The following OSBPL8 variants were observed in gnomAD, a reference collection of about 807,000 sequenced individuals.
OSBPL8 encodes oxysterol binding protein like 8, also known as oxysterol-binding protein-related protein 8.
In OSBPL8, 59 loss-of-function variants were observed where a neutral mutation model predicts 125.5. The observed-to-expected ratio is 0.47, with a 90% CI of 0.38 to 0.58. The LOEUF is 0.58. Ranked by LOEUF, OSBPL8 falls within the 20% of genes least tolerant of loss-of-function variation. The pLI, the probability that OSBPL8 is intolerant of heterozygous loss-of-function variation, is 0.00. For synonymous variants in OSBPL8, 330 were observed against 338.9 expected, an observed-to-expected ratio of 0.97 and a Z score of 0.29; for missense variants, 758 against 1,047.8, an observed-to-expected ratio of 0.72 and a Z score of 3.82.
chr12:76,495,053 C>A (rs1879135693), intron 1 of OSBPL8, among the ~76,000 whole-genome samples: 1 of 152,192 alleles, frequency 6.6e-6, no homozygotes, highest in African/African-American at 2.4e-5. Context: ...GTGTTACCTG[C>A]CTCAACAGAG....
intron 4 of OSBPL8, among the ~76,000 whole-genome samples, chr12:76,415,754 C>T (rs910517569): frequency 6.6e-6 from 1 of 152,010 alleles, no homozygotes; most frequent in Non-Finnish European, 1.5e-5. Flanking sequence ...TTGATACTGG[C>T]TAATTGTATC....
At chr12:76,378,975 G>A (rs1952932582) in intron 15 of OSBPL8, among the ~76,000 whole-genome samples, 1 of 151,962 alleles carries the variant, frequency 6.6e-6, no homozygotes, top group Non-Finnish European at 1.5e-5. Flanking sequence ...TCCCCATGTT[G>A]GCCAAGCTGA....
At chr12:76,467,399 C>CA (rs1875586573) in intron 2 of OSBPL8, among the ~76,000 whole-genome samples, 3 of 152,178 alleles carry the variant, frequency 2.0e-5, no homozygotes, top group African/African-American at 7.2e-5. Context: ...AACTTCAAAA[C>CA]ATTTCTACCT....
chr12:76,491,401 T>TG (rs1326320379), intron 1 of OSBPL8, among the ~76,000 whole-genome samples: 1 of 152,146 alleles, frequency 6.6e-6, no homozygotes, highest in Non-Finnish European at 1.5e-5. Flanking sequence ...ATCATTTTCT[T>TG]GGAGTTTCAA....
intron 1 of OSBPL8, among the ~76,000 whole-genome samples, chr12:76,546,330 G>A (rs1950781418): frequency 6.6e-6 from 1 of 152,044 alleles, no homozygotes; most frequent in African/African-American, 2.4e-5. Context: ...CCTCTTAAAT[G>A]GATCTCTGTT....
chr12:76,405,640 C>T (rs1954230314), intron 5 of OSBPL8, among the ~76,000 whole-genome samples: 1 of 152,186 alleles, frequency 6.6e-6, no homozygotes. Flanking sequence ...AACGTGCAGT[C>T]TAGTTCTGTA....
At chr12:76,375,646 G>A (rs1952789372) in intron 16 of OSBPL8, among the ~76,000 whole-genome samples, 1 of 151,806 alleles carries the variant, frequency 6.6e-6, no homozygotes, top group African/African-American at 2.4e-5. Context: ...TTGGAGACAT[G>A]TGCAGAGTAG....
intron 1 of OSBPL8, among the ~76,000 whole-genome samples, chr12:76,491,074 C>T (rs1452972397): frequency 2.6e-5 from 4 of 152,170 alleles, no homozygotes; most frequent in African/African-American, 7.2e-5. Context: ...CCATTTCCCA[C>T]GTTGTTCACT....
intron 2 of OSBPL8, among the ~76,000 whole-genome samples, chr12:76,483,696 C>T (rs1177385184): frequency 3.9e-5 from 3 of 76,946 alleles, no homozygotes; most frequent in Non-Finnish European, 6.7e-5. Context: ...TTTTTTGAGA[C>T]AGCATTTCAC....
rs1952694345 is a variant in OSBPL8, at chr12:76,373,422, C to T, written c.1839G>A (p.Gly613=). 1 of 1,601,090 alleles carries T rather than the reference C, an allele frequency of 6.2e-7. No individual in the cohort carries two copies. Among genetic ancestry groups the T allele is most frequent in the Admixed American group, 1.7e-5 (1 of 59,000 alleles). Reference sequence around the variant, plus strand: ...ATATTTGATTAACACAGTCACTACTCCCTAGGAATGGCTTTTAAACGAGAA... The same window carrying T: ...ATATTTGATTAACACAGTCACTACTTCCTAGGAATGGCTTTTAAACGAGAA... ...ILEFKLKPFL[G]SSDCVNQISG... is the part of the protein sequence containing the mutation. Residue 613 remains glycine (G), a synonymous_variant, in exon 18 of 24, where the codon GGG becomes GGA. Coordinates refer to ENST00000261183, the MANE Select transcript of OSBPL8 (RefSeq NM_020841.5).
In OSBPL8 at chr12:76,374,063, G is replaced by A. The variant is rs1952721722; in HGVS notation, c.1828-630C>T. 2.0e-5 allele frequency among the ~76,000 whole-genome samples: 3 copies of A among 152,008 alleles called. 1 individual carries two copies. The South Asian group carries it at 6.2e-4, about 32-fold the overall frequency. Reference sequence around the variant, plus strand: ...ACCATACAAGGAAAATTTTGCCAAGGTGAAAGAAAAATAAAATAAAAGACA... The same window carrying A: ...ACCATACAAGGAAAATTTTGCCAAGATGAAAGAAAAATAAAATAAAAGACA... On this transcript the variant is annotated intron_variant, in intron 17 of 23. Transcript: ENST00000261183.
At chr12:76,529,122 A>G (rs1168686456) in intron 1 of OSBPL8, among the ~76,000 whole-genome samples, 1 of 152,168 alleles carries the variant, frequency 6.6e-6, no homozygotes. Context: ...AAATGTGAGA[A>G]ACATTAAGGA....
intron 1 of OSBPL8, among the ~76,000 whole-genome samples, chr12:76,539,600 C>CA (rs1305036000): frequency 6.6e-6 from 1 of 152,182 alleles, no homozygotes; most frequent in African/African-American, 2.4e-5. Context: ...AATGTTAATT[C>CA]AAAAAATGAA....
At chr12:76,512,167 CTTT>C (rs1881065323) in intron 1 of OSBPL8, among the ~76,000 whole-genome samples, 1 of 152,132 alleles carries the variant, frequency 6.6e-6, no homozygotes, top group African/African-American at 2.4e-5. Flanking sequence ...TTGTTTCCTT[CTTT>C]ATGTTCACAA....
chr12:76,356,444 C>G (rs1951989537), intron 23 of OSBPL8, among the ~76,000 whole-genome samples, 182 bp downstream of exon 23: 1 of 152,090 alleles, frequency 6.6e-6, no homozygotes, highest in South Asian at 2.1e-4. Context: ...CCTTCCTTCC[C>G]AAGTATTTTA....
At chr12:76,469,266 C>CA (rs1400133186) in intron 2 of OSBPL8, among the ~76,000 whole-genome samples, 1 of 152,198 alleles carries the variant, frequency 6.6e-6, no homozygotes, top group African/African-American at 2.4e-5. Context: ...TGCAGACCCT[C>CA]AAGGCCATTC....
At chr12:76,482,161 A>C (rs1170321851) in intron 2 of OSBPL8, among the ~76,000 whole-genome samples, 1 of 152,250 alleles carries the variant, frequency 6.6e-6, no homozygotes, top group African/African-American at 2.4e-5. Context: ...AACTGAGAGC[A>C]TAAAAAAGAT....
intron 1 of OSBPL8, among the ~76,000 whole-genome samples, chr12:76,518,081 C>G (rs1476769007): frequency 6.6e-6 from 1 of 152,190 alleles, no homozygotes; most frequent in Non-Finnish European, 1.5e-5. Context: ...TTAAGTCATG[C>G]TGGCATCAAC....
At chr12:76,376,146 G>C (rs1485243814) in intron 16 of OSBPL8, among the ~76,000 whole-genome samples, 1 of 152,188 alleles carries the variant, frequency 6.6e-6, no homozygotes, top group East Asian at 1.9e-4. Context: ...ACTCAGTGGT[G>C]ACTTTATGTA....
Sources: gnomAD v4.1 joint callset for allele counts (sites outside exome capture counted in the v4.1 genomes callset) on GRCh38, gnomAD v4.1.1 for gene constraint, MANE v1.5 for transcripts, NCBI Gene and HGNC (gene_info 2026-07-23, HGNC 2026-07-21) for gene names.